TUSC3: variants seen among roughly 807,000 people sequenced by gnomAD.
TUSC3 encodes tumor suppressor candidate 3, also known as dolichyl-diphosphooligosaccharide--protein glycosyltransferase subunit TUSC3.
In TUSC3, 45 loss-of-function variants were observed where a neutral mutation model predicts 44.8. The ratio of observed to expected loss-of-function variants is 1.00; its 90% CI spans 0.79 to 1.29. The LOEUF (loss-of-function observed/expected upper bound fraction) is 1.29. TUSC3 is among the 50% of genes most tolerant of loss of function. TUSC3 has a pLI of 0.00. For missense variants in TUSC3, 519 were observed against 437.9 expected (o/e 1.19, Z -1.65); for synonymous variants, 212 against 152.9 (o/e 1.39, Z -2.85).
chr8:15,462,594 G>C (rs931479665), intron 1 of TUSC3, among the ~76,000 whole-genome samples: 1 of 152,020 alleles, frequency 6.6e-6, no homozygotes, highest in East Asian at 1.9e-4. Context: ...GCACTATTTT[G>C]CAAAGAAGCT....
chr8:15,446,980 A>G (rs1800113550), intron 1 of TUSC3, among the ~76,000 whole-genome samples: 1 of 152,124 alleles, frequency 6.6e-6, no homozygotes. Context: ...CCAATGAAGA[A>G]TGGAAAAGCT....
At chr8:15,565,477 C>A (rs1273450099) in intron 1 of TUSC3, among the ~76,000 whole-genome samples, 2 of 152,148 alleles carry the variant, frequency 1.3e-5, no homozygotes, top group Non-Finnish European at 2.9e-5. Flanking sequence ...CAGACTCCCA[C>A]AGCTACCTGC....
At chr8:15,505,308 C>T (rs1294067065) in intron 2 of TUSC3, among the ~76,000 whole-genome samples, 1 of 152,102 alleles carries the variant, frequency 6.6e-6, no homozygotes, top group African/African-American at 2.4e-5. Context: ...AGAAAAAAAC[C>T]CAGAATGCTG....
At chr8:15,694,109 T>G (rs558423655) in intron 6 of TUSC3, among the ~76,000 whole-genome samples, 1 of 152,228 alleles carries the variant, frequency 6.6e-6, no homozygotes, top group African/African-American at 2.4e-5. Flanking sequence ...TTCGTTTTTA[T>G]CCATATTCCA....
At chr8:15,503,607 G>C (rs1367101050) in intron 2 of TUSC3, among the ~76,000 whole-genome samples, 1 of 152,122 alleles carries the variant, frequency 6.6e-6, no homozygotes, top group African/African-American at 2.4e-5. Context: ...ACAAGGCTAA[G>C]AAGGGGGGAT....
At chr8:15,767,470 G>C (rs1195895380), downstream of TUSC3, among the ~76,000 whole-genome samples, 1 of 150,132 alleles carries the variant, frequency 6.7e-6, no homozygotes, top group Non-Finnish European at 1.5e-5. Flanking sequence ...CATTTTATTG[G>C]AAATTTGTTT....
chr8:15,720,808 C>T (rs905724537), intron 6 of TUSC3, among the ~76,000 whole-genome samples: 5 of 152,100 alleles, frequency 3.3e-5, no homozygotes, highest in Admixed American at 1.3e-4. Flanking sequence ...GCTTATATTG[C>T]GATTGAGGCA....
intron 1 of TUSC3, among the ~76,000 whole-genome samples, chr8:15,603,512 G>C (rs1394377726): frequency 6.6e-6 from 1 of 151,488 alleles, no homozygotes; most frequent in East Asian, 1.9e-4. Flanking sequence ...TGAAGCCTGT[G>C]TACTTCTTTG....
intron 10 of TUSC3, among the ~76,000 whole-genome samples, chr8:15,761,396 GT>G (rs1218864304): frequency 1.3e-5 from 2 of 152,136 alleles, no homozygotes; most frequent in African/African-American, 4.8e-5. Flanking sequence ...GAAAGGAATG[GT>G]TGCTTCTCTT....
intron 1 of TUSC3, among the ~76,000 whole-genome samples, chr8:15,478,006 A>G (rs1016653073): frequency 6.6e-6 from 1 of 152,102 alleles, no homozygotes; most frequent in Non-Finnish European, 1.5e-5. Flanking sequence ...TGCCCAGGCT[A>G]GAGTGCAGTG....
intron 2 of TUSC3, among the ~76,000 whole-genome samples, chr8:15,642,384 A>T (rs890684346): frequency 6.6e-6 from 1 of 152,050 alleles, no homozygotes; most frequent in African/African-American, 2.4e-5. Context: ...GAGAAAAGTT[A>T]AAAAAATGAA....
chr8:15,806,604 G>C, the TUSC3 span: 2 of 1,453,568 alleles, frequency 1.4e-6, no homozygotes, highest in East Asian at 2.3e-5. Flanking sequence ...ATAATGAAGT[G>C]ATCATCTTCT....
Position 15,757,868 on chromosome 8 carries a change from A to G in TUSC3, c.*46+13A>G. The G allele has an allele frequency of 7.2e-7, 1 of 1,384,740 alleles. No homozygotes were observed. The highest frequency in any genetic ancestry group is 1.0e-6 in the Non-Finnish European group (1 of 971,094). The allele number at this position is 1,384,740 out of a possible 1,614,324, so 85.8% of individuals were successfully genotyped here. A position where few individuals can be genotyped will look rare whatever the true frequency, so the allele number is the denominator to read the frequency against. ...TCTATAACCTCAGGCAAGTCTTTTA[A>G]TCTTCTCTGAGCCTCAGTTTTCCTC... is the stretch of plus-strand genomic sequence containing the variant. On this transcript the variant is annotated intron_variant, in intron 10 of 10. Coordinates refer to ENST00000503731, the MANE Select transcript of TUSC3 (RefSeq NM_006765.4).
intron 1 of TUSC3, among the ~76,000 whole-genome samples, chr8:15,420,524 A>C (rs964041311): frequency 2.0e-5 from 3 of 151,832 alleles, no homozygotes; most frequent in Non-Finnish European, 2.9e-5. Context: ...AGTTGTGTGG[A>C]ATCTGCTTCT....
chr8:15,450,312 C>G (rs1466241632), intron 1 of TUSC3, among the ~76,000 whole-genome samples: 1 of 152,070 alleles, frequency 6.6e-6, no homozygotes, highest in Admixed American at 6.6e-5. Flanking sequence ...AAAACTGCCC[C>G]TTTATACATA....
chr8:15,809,529 G>C, the TUSC3 span, among the ~76,000 whole-genome samples: 1 of 152,140 alleles, frequency 6.6e-6, no homozygotes, highest in Non-Finnish European at 1.5e-5. Flanking sequence ...ATTGTATCTA[G>C]TCCTATATAT....
rs569644933 is a variant in TUSC3 at position 15,540,855 on chromosome 8, G to C, written c.138+287G>C. ...TATTCCCAGCTGGAAGCCCAGCTTA[G>C]AGCAATGGTGCCACTAAAAGGGGTG... On this transcript the variant is annotated intron_variant, in intron 1 of 10. Coordinates refer to ENST00000503731, the MANE Select transcript of TUSC3 (RefSeq NM_006765.4). Among the ~76,000 whole-genome samples, 3 of 152,330 alleles carry C rather than the reference G, an allele frequency of 2.0e-5. No homozygotes were observed. In the South Asian group the frequency reaches 6.2e-4, roughly 32 times the overall value.
At chr8:15,632,854 A>G (rs1450511311) in intron 2 of TUSC3, among the ~76,000 whole-genome samples, 6 of 152,036 alleles carry the variant, frequency 3.9e-5, no homozygotes, top group Non-Finnish European at 7.4e-5. Flanking sequence ...GTGGGAACCA[A>G]CTCCTATATC....
In TUSC3 at chr8:15,532,794, G is replaced by C. The variant is rs180990869; in HGVS notation, n.189+49311G>C. ...TCTCATGATAATGAATAAGTCTTAT[G>C]AGATCTGATGGTTTTTAGAGACAGT... On this transcript the variant is annotated intron_variant and non_coding_transcript_variant, in intron 2 of 5. Transcript: ENST00000503191. 4.1e-3 allele frequency among the ~76,000 whole-genome samples: 621 copies of C among 152,250 alleles called. 6 individuals carry two copies. The highest frequency in any genetic ancestry group is 7.2e-3 in the Non-Finnish European group (489 of 68,012).
Sources: allele counts gnomAD v4.1 joint callset (sites outside exome capture counted in the v4.1 genomes callset), GRCh38; gene constraint gnomAD v4.1.1; transcripts MANE v1.5; gene names NCBI Gene and HGNC (gene_info 2026-07-23, HGNC 2026-07-21).